The following USF3 variants were observed in gnomAD, a reference collection of about 807,000 sequenced individuals.
USF3 encodes the protein upstream transcription factor family member 3, also known as basic helix-loop-helix domain-containing protein USF3.
In USF3, 29 loss-of-function variants were observed where a neutral mutation model predicts 157.5. The observed-to-expected ratio is 0.18, with a 90% CI of 0.14 to 0.25. USF3 has a LOEUF of 0.25. Among genes scored for constraint, USF3 ranks in the 10% least tolerant of loss-of-function variants. USF3 has a pLI of 1.00. For synonymous variants in USF3, 893 were observed against 941.4 expected (o/e 0.95, Z 0.94); for missense variants, 2,381 against 2,667.6 (o/e 0.89, Z 2.37).
chr3:113,673,265 A>G (rs1056733760), intron 4 of USF3, 83 bp downstream of exon 4: 2 of 890,624 alleles, frequency 2.2e-6, no homozygotes, highest in Non-Finnish European at 3.7e-6. Flanking sequence ...CTTGCTTATA[A>G]CATAAAAACT....
intron 2 of USF3, among the ~76,000 whole-genome samples, chr3:113,676,732 G>C (rs898269541): frequency 4.6e-5 from 7 of 152,132 alleles, no homozygotes; most frequent in Non-Finnish European, 1.0e-4. Context: ...TTCTCCGAGA[G>C]AGAGAAAAAG....
rs2107909178 is a variant in USF3 at position 113,651,635 on chromosome 3, A to C, written c.*3309T>G. 1 of 152,374 alleles carries C rather than the reference A, an allele frequency of 6.6e-6. No individual in the cohort carries two copies. Among genetic ancestry groups the C allele is most frequent in the East Asian group, 1.9e-4 (1 of 5,192 alleles). The allele number at this position is 152,374 out of a possible 1,614,324, so 9.4% of individuals were successfully genotyped here. A position where few individuals can be genotyped will look rare whatever the true frequency, so the allele number is the denominator to read the frequency against. ...TTCCCAAAAATCACGTAGCTCTATC[A>C]AATACTTAATACTGCTAGTAAATCT... is the stretch of plus-strand genomic sequence containing the variant. On this transcript the variant is annotated 3_prime_UTR_variant, in exon 7 of 7. Coordinates refer to ENST00000316407, the MANE Select transcript of USF3 (RefSeq NM_001009899.4).
intron 5 of USF3, among the ~76,000 whole-genome samples, chr3:113,665,435 T>C (rs1257999363): frequency 6.6e-6 from 1 of 152,274 alleles, no homozygotes; most frequent in Non-Finnish European, 1.5e-5. Context: ...ATGCTTCCAG[T>C]AAATTGTATT....
intron 5 of USF3, among the ~76,000 whole-genome samples, chr3:113,667,335 A>G (rs1947585876): frequency 6.6e-6 from 1 of 152,216 alleles, no homozygotes; most frequent in Non-Finnish European, 1.5e-5. Context: ...ATAGCCAAAT[A>G]CTGACTTCCT....
chr3:113,670,604 T>TAA, intron 4 of USF3, among the ~76,000 whole-genome samples: 1 of 140,256 alleles, frequency 7.1e-6, no homozygotes, highest in East Asian at 2.1e-4. Flanking sequence ...TGTCTGAAAA[T>TAA]AAAAAAAAAG....
At chr3:113,688,291 T>G (rs935430482) in intron 1 of USF3, among the ~76,000 whole-genome samples, 2 of 152,154 alleles carry the variant, frequency 1.3e-5, no homozygotes, top group South Asian at 4.1e-4. Context: ...GCTAATTTTT[T>G]GTATCTTTAG....
At position 113,659,905 on chromosome 3, in the gene USF3, G is replaced by A. The variant is rs368014502; in HGVS notation, c.1777C>T (p.Leu593Phe). 5.6e-6 allele frequency: 9 copies of A among 1,614,198 alleles called. No homozygotes were observed. Among genetic ancestry groups the A allele is most frequent in the South Asian group, 1.1e-5 (1 of 91,082 alleles). The change falls in exon 7 of 7, where the codon CTC becomes TTC. Residue 593 changes from leucine to phenylalanine, a missense_variant. By Grantham distance (22) the Leu-to-Phe change is conservative. Coordinates refer to ENST00000316407, the MANE Select transcript of USF3 (RefSeq NM_001009899.4). The part of the protein sequence containing the change: ...IQAANQNPLP[L>F]LPAPPPGSVR... ...GAACCAGGAGGTGGAGCAGGGAGGA[G>A]TGGCAAAGGATTCTGATTAGCAGCC...
chr3:113,664,161 G>T, intron 6 of USF3, 152 bp downstream of exon 6: 1 of 538,854 alleles, frequency 1.9e-6, no homozygotes, highest in Non-Finnish European at 3.3e-6. Flanking sequence ...TGAATTTATT[G>T]GTAACATTAT....
chr3:113,660,051 T>C lies in USF3; in HGVS notation c.1631A>G (p.Asn544Ser). Residue 544 changes from asparagine (N) to serine (S), a missense_variant, in exon 7 of 7, where the codon AAT (asparagine) becomes AGT (serine). Asn to Ser is a conservative substitution (Grantham distance 46). Around this residue, in one of 6 missense-constraint regions of USF3, gnomAD observed 1,435 missense variants for 1,550.9 expected, o/e 0.93. Transcript: ENST00000316407. Reference protein sequence around the residue: ...QMAQPVGSAVNSAPTNQNVII... With the variant: ...QMAQPVGSAVSSAPTNQNVII... The stretch of plus-strand genomic sequence containing the variant: ...AACATTTTGATTAGTTGGAGCTGAA[T>C]TAACAGCTGACCCAACTGGCTGAGC... 2 of 1,614,146 alleles carry C rather than the reference T, an allele frequency of 1.2e-6. No homozygotes were observed. The highest frequency in any genetic ancestry group is 8.5e-7 in the Non-Finnish European group (1 of 1,179,980).
At chr3:113,664,547 G>T in intron 5 of USF3, 138 bp from the exon 6 acceptor site, 1 of 530,110 alleles carries the variant, frequency 1.9e-6, no homozygotes, top group Non-Finnish European at 3.3e-6. Flanking sequence ...ATATTCAAAA[G>T]CTTCTACTGT....
In USF3 at chr3:113,659,913, G is replaced by C; in HGVS notation, c.1769C>G (p.Pro590Arg). The change falls in exon 7 of 7, where the codon CCT becomes CGT. Residue 590 changes from proline (P) to arginine (R), a missense_variant. Pro to Arg is a moderately radical substitution (Grantham distance 103). Transcript: ENST00000316407. ...IVIIQAANQN[P>R]LPLLPAPPPG... ...AGGTGGAGCAGGGAGGAGTGGCAAA[G>C]GATTCTGATTAGCAGCCTGTATGAT... 6.2e-7 allele frequency: 1 copy of C among 1,614,204 alleles called. No individual in the cohort carries two copies. Among genetic ancestry groups the C allele is most frequent in the Non-Finnish European group, 8.5e-7 (1 of 1,180,036 alleles).
chr3:113,672,443 G>A (rs1707180078), intron 4 of USF3, among the ~76,000 whole-genome samples: 1 of 151,872 alleles, frequency 6.6e-6, no homozygotes. Flanking sequence ...ACATATCTAT[G>A]GCACCATGTG....
Position 113,661,308 on chromosome 3 carries a change from C to T in USF3, c.374G>A (p.Trp125Ter). The T allele has an allele frequency of 1.2e-6, 2 of 1,613,994 alleles. No individual in the cohort carries two copies. Among genetic ancestry groups the T allele is most frequent in the Non-Finnish European group, 1.7e-6 (2 of 1,179,938 alleles). ...ICLYDDPTIH[W>*]KGNLKNSKVS... is the part of the protein sequence containing the mutation. ...CTTTGAGTTTTTAAGATTTCCTTTC[C>T]AGTGAATTGTCGGGTCATCATATAA... is the stretch of plus-strand genomic sequence containing the variant. The change falls in exon 7 of 7, where the codon TGG (tryptophan) becomes TAG (stop). Residue 125 changes from tryptophan (W) to a stop codon, truncating the protein, a stop_gained. Transcript: ENST00000316407. LOFTEE classifies it high-confidence loss of function.
In USF3 at chr3:113,655,510, T is replaced by C; in HGVS notation, c.6172A>G (p.Thr2058Ala). 2.5e-6 allele frequency: 4 copies of C among 1,614,148 alleles called. No homozygotes were observed. The highest frequency in any genetic ancestry group is 4.5e-5 in the East Asian group (2 of 44,886). Residue 2058 changes from threonine (T) to alanine (A), a missense_variant, in exon 7 of 7, where the codon ACA (threonine) becomes GCA (alanine). Thr to Ala is a moderately conservative substitution (Grantham distance 58). This residue lies in a region of USF3 where 770 missense variants were observed against 824.2 expected (regional missense o/e 0.93). Transcript: ENST00000316407. ...GAAAAACCAAAATTTTGTGATAGTG[T>C]ATGCTGGTCAGGACCTGAATTATCA... ...PNDNSGPDQH[T>A]LSQNFGFSFI...
At chr3:113,690,035 T>C (rs1319990134) in intron 1 of USF3, among the ~76,000 whole-genome samples, 1 of 152,224 alleles carries the variant, frequency 6.6e-6, no homozygotes, top group Non-Finnish European at 1.5e-5. Flanking sequence ...TTGCCCCTAA[T>C]CTTTGGTTAG....
chr3:113,670,071 G>A (rs1707112441), intron 5 of USF3, 50 bp downstream of exon 5: 1 of 1,206,410 alleles, frequency 8.3e-7, no homozygotes, highest in African/African-American at 1.5e-5. Flanking sequence ...AACAACTTAG[G>A]GAATTGTCTG....
chr3:113,655,945 G>T lies in USF3; in HGVS notation c.5737C>A (p.Pro1913Thr), dbSNP rs1947349446. ...SGDIQGRNTS[P>T]NVSVQKSNPM... ...TTGGATTTCTGTACAGAAACATTGGGGCTTGTGTTTCGACCTTGAATATCT... is the reference window on the plus strand; with the variant it reads ...TTGGATTTCTGTACAGAAACATTGGTGCTTGTGTTTCGACCTTGAATATCT... Residue 1913 changes from proline (P) to threonine (T), a missense_variant, in exon 7 of 7, where the codon CCC becomes ACC. Coordinates refer to ENST00000316407, the MANE Select transcript of USF3 (RefSeq NM_001009899.4). 1 of 1,614,090 alleles carries T rather than the reference G, an allele frequency of 6.2e-7. No individual in the cohort carries two copies. The highest frequency in any genetic ancestry group is 2.2e-5 in the East Asian group (1 of 44,878).
rs372393360 is a variant in USF3 at position 113,659,435 on chromosome 3, G to A, written c.2247C>T (p.Asn749=). The A allele has an allele frequency of 6.2e-6, 10 of 1,614,250 alleles. No homozygotes were observed. Among genetic ancestry groups the A allele is most frequent in the Non-Finnish European group, 5.1e-6 (6 of 1,180,032 alleles). Residue 749 remains asparagine (N), a synonymous_variant, in exon 7 of 7, where the codon AAC becomes AAT. Transcript: ENST00000316407. ...CTGCAGTTGTTGTTAATGAAACACA[G>A]TTAGCTGTAGTGGTTTGACTATTTG... ...TAANSQTTTA[N]CVSLTTTAAP... is the part of the protein sequence containing the mutation.
intron 4 of USF3, among the ~76,000 whole-genome samples, chr3:113,671,376 T>C (rs1707149757): frequency 6.6e-6 from 1 of 152,176 alleles, no homozygotes; most frequent in South Asian, 2.1e-4. Context: ...GTTTTCTCTA[T>C]GGGATCTGGG....
Sources: gnomAD v4.1 joint callset for allele counts (sites outside exome capture counted in the v4.1 genomes callset) on GRCh38, gnomAD v4.1.1 for gene constraint, gnomAD v4.1.1 regional missense constraint, MANE v1.5 for transcripts, NCBI Gene and HGNC (gene_info 2026-07-23, HGNC 2026-07-21) for gene names.